The following EXOC6B variants were observed in gnomAD, a reference collection of about 807,000 sequenced individuals.
EXOC6B encodes exocyst complex component 6B.
A neutral mutation model predicts 113.5 loss-of-function variants in EXOC6B; 54 were observed. The observed-to-expected ratio is 0.48, with a 90% CI of 0.38 to 0.60. The LOEUF (loss-of-function observed/expected upper bound fraction) is 0.60, where lower values mean the gene tolerates loss of function less well. EXOC6B is among the 20% of genes least tolerant of loss of function. The pLI, the probability that EXOC6B is intolerant of heterozygous loss-of-function variation, is 0.00. For synonymous variants in EXOC6B, 357 were observed against 339.0 expected, an observed-to-expected ratio of 1.05 and a Z score of -0.58; for missense variants, 797 against 977.5, an observed-to-expected ratio of 0.82 and a Z score of 2.46.
chr2:72,724,801 A>G (rs1361884359), intron 5 of EXOC6B, among the ~76,000 whole-genome samples: 2 of 152,202 alleles, frequency 1.3e-5, no homozygotes, highest in Non-Finnish European at 1.5e-5. Flanking sequence ...ACTGAAAGGG[A>G]CTAAAACATT....
At chr2:72,321,877 A>G (rs999656896) in intron 20 of EXOC6B, among the ~76,000 whole-genome samples, 2 of 152,218 alleles carry the variant, frequency 1.3e-5, no homozygotes, top group Non-Finnish European at 2.9e-5. Flanking sequence ...AATTTACTGA[A>G]GGTAAATTAT....
chr2:72,659,163 T>A (rs1674825084), intron 6 of EXOC6B, among the ~76,000 whole-genome samples: 1 of 152,074 alleles, frequency 6.6e-6, no homozygotes, highest in African/African-American at 2.4e-5. Context: ...AACAATACAG[T>A]CTTTTGACTA....
At position 72,188,942 on chromosome 2, in the gene EXOC6B, T is replaced by C. The variant is rs545295566; in HGVS notation, c.2197-4755A>G. 1.9e-3 allele frequency among the ~76,000 whole-genome samples: 295 copies of C among 152,296 alleles called. 4 individuals carry two copies. The highest frequency in any genetic ancestry group is 3.3e-3 in the Non-Finnish European group (226 of 68,012). ...ACACATACACCCATGCATGTACACA[T>C]ATGCTATTTCTTTTCTTGAGTTTCT... On this transcript the variant is annotated intron_variant, in intron 20 of 21. Transcript: ENST00000272427.
At chr2:72,408,524 A>G (rs1369648041) in intron 18 of EXOC6B, among the ~76,000 whole-genome samples, 1 of 152,170 alleles carries the variant, frequency 6.6e-6, no homozygotes, top group African/African-American at 2.4e-5. Flanking sequence ...AGAGATATAG[A>G]CCAATGGAAC....
chr2:72,185,477 C>A (rs1242632028), intron 20 of EXOC6B, among the ~76,000 whole-genome samples: 1 of 152,204 alleles, frequency 6.6e-6, no homozygotes, highest in African/African-American at 2.4e-5. Flanking sequence ...AGTCCCAAAC[C>A]TAAAACTTAG....
At chr2:72,587,001 T>C (rs1305202880) in intron 6 of EXOC6B, among the ~76,000 whole-genome samples, 1 of 152,198 alleles carries the variant, frequency 6.6e-6, no homozygotes, top group Admixed American at 6.5e-5. Context: ...GAAAGCAGTT[T>C]GGAGATTTCT....
Position 72,289,926 on chromosome 2 carries a change from C to T in EXOC6B, c.2196+45021G>A, listed in dbSNP as rs148056550. ...ATTGTTCTCTCTAATGTGGATGGGC[C>T]TCACCTAATCAGTTGAAGGCCTGAA... On this transcript the variant is annotated intron_variant, in intron 20 of 21. Coordinates refer to ENST00000272427, the MANE Select transcript of EXOC6B (RefSeq NM_015189.3). Among the ~76,000 whole-genome samples the T allele has an allele frequency of 5.5e-3, 834 of 152,284 alleles. 9 individuals carry two copies. The highest frequency in any genetic ancestry group is 0.018 in the African/African-American group (752 of 41,552).
At chr2:72,218,883 C>T (rs534103232) in intron 20 of EXOC6B, among the ~76,000 whole-genome samples, 72 of 150,894 alleles carry the variant, frequency 4.8e-4, no homozygotes, top group Admixed American at 1.9e-3. Flanking sequence ...TGATGAAACT[C>T]GTGATCTGCC....
At chr2:72,334,693 C>G (rs1383301315) in intron 20 of EXOC6B, among the ~76,000 whole-genome samples, 2 of 152,078 alleles carry the variant, frequency 1.3e-5, no homozygotes, top group Non-Finnish European at 2.9e-5. Flanking sequence ...TTGAGGGTCA[C>G]TTGAGTCCCT....
rs865785393 is a variant in EXOC6B at position 72,498,384 on chromosome 2, G to C, written c.1337+70C>G. On this transcript the variant is annotated intron_variant, in intron 13 of 21. Transcript: ENST00000272427. ...TTGCCTATAACATCTGAAAACCTTT[G>C]CGCATAAATACATGTGTGTACACTA... The C allele has an allele frequency of 1.6e-4, 166 of 1,034,232 alleles. No homozygotes were observed. The African/African-American group carries it at 2.3e-3, about 14-fold the overall frequency. 64.1% of individuals were successfully genotyped at this position (1,034,232 alleles called of 1,614,324 possible). A position where few individuals can be genotyped will look rare whatever the true frequency, so the allele number is the denominator to read the frequency against.
chr2:72,276,731 T>C (rs1558513468), intron 20 of EXOC6B, among the ~76,000 whole-genome samples: 1 of 152,182 alleles, frequency 6.6e-6, no homozygotes, highest in African/African-American at 2.4e-5. Context: ...CTGCTCATAG[T>C]ATTAACTTGT....
chr2:72,514,922 G>T, intron 9 of EXOC6B, 121 bp downstream of exon 9: 1 of 899,114 alleles, frequency 1.1e-6, no homozygotes, highest in Non-Finnish European at 1.7e-6. Flanking sequence ...CACCAAAAGT[G>T]GTCTCAGAAT....
In EXOC6B at chr2:72,335,018, ACT is replaced by A. The variant is rs1688612713; in HGVS notation, c.2123_2124del (p.Gln708LeufsTer40). The A allele has an allele frequency of 6.2e-7, 1 of 1,613,050 alleles. No individual in the cohort carries two copies. On this transcript the variant is annotated frameshift_variant and splice_region_variant, in exon 20 of 22. Transcript: ENST00000272427. LOFTEE classifies it high-confidence loss of function. ...CCAGGCACCGGGCCGGATCTGGCAAACTCTGTGGGAAAGAAAAGAGGATAAAA... is the reference window on the plus strand; with the variant it reads ...CCAGGCACCGGGCCGGATCTGGCAAACTGTGGGAAAGAAAAGAGGATAAAA... ...QFNLDVRECE[Q>X]FARSGPVPGF...
chr2:72,419,404 T>C (rs917769727), intron 18 of EXOC6B, among the ~76,000 whole-genome samples: 3 of 152,226 alleles, frequency 2.0e-5, no homozygotes, highest in African/African-American at 7.2e-5. Context: ...GATCTTTCTT[T>C]CTTAATGAGG....
intron 6 of EXOC6B, among the ~76,000 whole-genome samples, chr2:72,600,368 G>T (rs1182364844): frequency 6.7e-6 from 1 of 150,078 alleles, no homozygotes; most frequent in Non-Finnish European, 1.5e-5. Flanking sequence ...CTTGAGCCTG[G>T]GAGGCATAGG....
rs142811264 is a variant in EXOC6B at position 72,410,246 on chromosome 2, T to C, written c.1981-30376A>G. On this transcript the variant is annotated intron_variant, in intron 18 of 21. Coordinates refer to ENST00000272427, the MANE Select transcript of EXOC6B (RefSeq NM_015189.3). ...TAAGTCAAGCAGCTATATCACAAAT[T>C]ATATGTCATAGATCAGCAATGTTCA... 9.5e-4 allele frequency among the ~76,000 whole-genome samples: 145 copies of C among 152,328 alleles called. 3 individuals are homozygous for C. The highest frequency in any genetic ancestry group is 3.4e-3 in the Middle Eastern group (1 of 294).
intron 6 of EXOC6B, among the ~76,000 whole-genome samples, chr2:72,671,099 A>G (rs1675760500): frequency 1.3e-5 from 2 of 152,230 alleles, no homozygotes; most frequent in Non-Finnish European, 2.9e-5. Flanking sequence ...AGAACACTGG[A>G]TGGACAAAGA....
Position 72,616,785 on chromosome 2 carries a change from C to T in EXOC6B, c.670-41117G>A, listed in dbSNP as rs573215060. On this transcript the variant is annotated intron_variant, in intron 6 of 21. Transcript: ENST00000272427. ...CAGAGCCAAACCATATCATTCCAAT[C>T]CAGCCCCTCCCAAATTTCATGTCTT... 1.7e-3 allele frequency among the ~76,000 whole-genome samples: 255 copies of T among 152,212 alleles called. 1 individual carries two copies. Among genetic ancestry groups the T allele is most frequent in the Admixed American group, 4.6e-3 (70 of 15,290 alleles).
chr2:72,607,122 A>G (rs192899161), intron 6 of EXOC6B, among the ~76,000 whole-genome samples: 197 of 152,324 alleles, frequency 1.3e-3, no homozygotes, highest in African/African-American at 4.6e-3. Context: ...ACACAGAAGA[A>G]AAGAAAAGGA....
Sources: gnomAD v4.1 joint callset for allele counts (sites outside exome capture counted in the v4.1 genomes callset) on GRCh38, gnomAD v4.1.1 for gene constraint, MANE v1.5 for transcripts, NCBI Gene and HGNC (gene_info 2026-07-23, HGNC 2026-07-21) for gene names.